The following MICAL1 variants were observed in gnomAD, a reference collection of about 807,000 sequenced individuals.
MICAL1 encodes the protein microtubule associated monooxygenase, calponin and LIM domain containing 1.
A neutral mutation model predicts 131.8 loss-of-function variants in MICAL1; 95 were observed. The observed-to-expected ratio is 0.72, with a 90% confidence interval of 0.61 to 0.86. The LOEUF is 0.86. Among genes scored for constraint, MICAL1 ranks in the 40% least tolerant of loss-of-function variants. The probability of loss-of-function intolerance (pLI) is 0.00; values close to 1 mark genes in which losing one functional copy is unlikely to be tolerated. For missense variants in MICAL1, 1,292 were observed against 1,380.6 expected (o/e 0.94, Z 1.02); for synonymous variants, 546 against 554.2 (o/e 0.99, Z 0.21).
chr6:109,444,468 T>C (rs1582633889), intron 24 of MICAL1, 129 bp from the exon 25 acceptor site: 2 of 1,342,230 alleles, frequency 1.5e-6, no homozygotes. Context: ...ATTAGGAGGG[T>C]TGCCAACACC....
chr6:109,453,215 G>T (rs1775611322), intron 4 of MICAL1, 48 bp downstream of exon 4: 1 of 1,498,124 alleles, frequency 6.7e-7, no homozygotes, highest in Non-Finnish European at 9.3e-7. Flanking sequence ...CACTGGCCAA[G>T]TTCTTGATGG....
chr6:109,446,279 C>T lies in MICAL1; in HGVS notation c.2438G>A (p.Arg813His), dbSNP rs775386197. The change falls in exon 19 of 25, where the codon CGC (arginine) becomes CAC (histidine). Residue 813 changes from arginine to histidine, a missense_variant. Transcript: ENST00000358807. ...RRQIRLSSPE[R>H]QRLSSLNLTP... ...AAGGTTAAGGGAGGACAACCGCTGG[C>T]GCTCCGGGCTGGAGAGGCGGATCTG... 55 of 1,613,324 alleles carry T rather than the reference C, an allele frequency of 3.4e-5. No homozygotes were observed. Among genetic ancestry groups the T allele is most frequent in the Non-Finnish European group, 4.2e-5 (50 of 1,179,820 alleles).
At position 109,453,735 on chromosome 6, in the gene MICAL1, G is replaced by A. The variant is rs144274960; in HGVS notation, c.369C>T (p.Asn123=). 8.7e-6 allele frequency: 14 copies of A among 1,613,720 alleles called. No homozygotes were observed. Among genetic ancestry groups the A allele is most frequent in the South Asian group, 2.2e-5 (2 of 91,090 alleles). Residue 123 remains asparagine (N), a synonymous_variant, in exon 3 of 25, where the codon AAC becomes AAT. Transcript: ENST00000358807. The part of the protein sequence containing the change: ...VEKRTKFSRH[N]VLHLWPFTIH... ...TGGTGAAGGGCCAGAGGTGGAGCAC[G>A]TTGTGGCGAGAGAACTTGGTGCGCT...
Position 109,461,320 on chromosome 6 carries a change from T to C in MICAL1, c.14+4344A>G, listed in dbSNP as rs372744668. Among the ~76,000 whole-genome samples, 25 of 152,300 alleles carry C rather than the reference T, an allele frequency of 1.6e-4. No individual in the cohort carries two copies. In the East Asian group the frequency reaches 3.1e-3, roughly 19 times the overall value. Reference sequence around the variant, plus strand: ...TTTTTTATGGCTGCATAGTATTCCATGGTGTATATGTGCCACATTTTCTTA... The same window carrying C: ...TTTTTTATGGCTGCATAGTATTCCACGGTGTATATGTGCCACATTTTCTTA... On this transcript the variant is annotated intron_variant, in intron 1 of 24. Transcript: ENST00000630715.
At chr6:109,456,736 G>A (rs546781143), upstream of MICAL1, among the ~76,000 whole-genome samples, 1 of 152,254 alleles carries the variant, frequency 6.6e-6, no homozygotes, top group African/African-American at 2.4e-5. Flanking sequence ...AAAAAACATC[G>A]TCTCATTTAT....
chr6:109,450,412 T>C lies in MICAL1; in HGVS notation c.1079A>G (p.Asp360Gly). ...GCTCGTGAAGTCAAAGGCAGAGACA[T>C]CAGGCTGCCCATGGGCATCCTGGGC... ...EFAQDAHGQP[D>G]VSAFDFTSMM... Residue 360 changes from aspartate (D) to glycine (G), a missense_variant, in exon 8 of 25, where the codon GAT (aspartate) becomes GGT (glycine). Physicochemically the swap from Asp to Gly is moderately conservative, Grantham distance 94. Coordinates refer to ENST00000358807, the MANE Select transcript of MICAL1 (RefSeq NM_022765.4). 6.2e-7 allele frequency: 1 copy of C among 1,613,498 alleles called. No homozygotes were observed. The highest frequency in any genetic ancestry group is 8.5e-7 in the Non-Finnish European group (1 of 1,179,966).
At chr6:109,446,850 G>A in intron 17 of MICAL1, 78 bp from the exon 18 acceptor site, 1 of 1,418,056 alleles carries the variant, frequency 7.1e-7, no homozygotes, top group Non-Finnish European at 9.8e-7. Flanking sequence ...TATGAAGGAA[G>A]GTGGGGAAAA....
chr6:109,447,159 C>T lies in MICAL1; in HGVS notation c.2141G>A (p.Gly714Asp). Residue 714 changes from glycine to aspartate, a missense_variant, in exon 17 of 25, where the codon GGC (glycine) becomes GAC (aspartate). Physicochemically the swap from Gly to Asp is moderately conservative, Grantham distance 94. Transcript: ENST00000358807. ...LYVLERLCVN[G>D]HFFHRSCFRC... ...GAAGCAGCTCCGGTGGAAGAAATGG[C>T]CGTTGACACAGAGGCGTTCCAGGAC... The T allele has an allele frequency of 1.9e-6, 3 of 1,614,202 alleles. No homozygotes were observed. Among genetic ancestry groups the T allele is most frequent in the Admixed American group, 1.7e-5 (1 of 60,026 alleles).
upstream of MICAL1, among the ~76,000 whole-genome samples, chr6:109,457,784 A>T (rs1775793222): frequency 6.6e-6 from 1 of 152,246 alleles, no homozygotes; most frequent in South Asian, 2.1e-4. Flanking sequence ...TCTTTAAAGA[A>T]GATCAGAGAA....
Position 109,445,255 on chromosome 6 carries a change from G to A in MICAL1, c.2823C>T (p.Ala941=). The change falls in exon 22 of 25, where the codon GCC becomes GCT. Residue 941 remains alanine, a synonymous_variant. Coordinates refer to ENST00000358807, the MANE Select transcript of MICAL1 (RefSeq NM_022765.4). ...IQRRLNEIEA[A]LRELEAEGVK... ...CGCCCTCGGCCTCTAGCTCCCTCAA[G>A]GCAGCCTCAATCTCATTTAGTCGCC... 1 of 1,614,128 alleles carries A rather than the reference G, an allele frequency of 6.2e-7. No individual in the cohort carries two copies. The highest frequency in any genetic ancestry group is 8.5e-7 in the Non-Finnish European group (1 of 1,180,042).
chr6:109,448,667 T>C, intron 12 of MICAL1, 65 bp downstream of exon 12: 1 of 1,592,912 alleles, frequency 6.3e-7, no homozygotes, highest in Admixed American at 1.7e-5. Flanking sequence ...TCTCTAGGAT[T>C]CAACTGGATA....
intron 4 of MICAL1, 142 bp from the exon 5 acceptor site, chr6:109,452,757 C>T: frequency 1.6e-6 from 1 of 631,122 alleles, no homozygotes; most frequent in Non-Finnish European, 2.7e-6. Context: ...TCAGATTACA[C>T]CTTCACAGCA....
upstream of MICAL1, among the ~76,000 whole-genome samples, chr6:109,458,236 C>A (rs1311998634): frequency 6.6e-6 from 1 of 152,118 alleles, no homozygotes; most frequent in Non-Finnish European, 1.5e-5. Context: ...AAAATACTGG[C>A]ACAATCACAT....
At chr6:109,460,527 C>CACACACACAT (rs1392567172), upstream of MICAL1, among the ~76,000 whole-genome samples, 2 of 149,558 alleles carry the variant, frequency 1.3e-5, no homozygotes, top group Non-Finnish European at 3.0e-5. Flanking sequence ...TATAAATACA[C>CACACACACAT]ACACACACAC....
chr6:109,445,477 C>T lies in MICAL1; in HGVS notation c.2726G>A (p.Trp909Ter). 1 of 1,614,104 alleles carries T rather than the reference C, an allele frequency of 6.2e-7. No individual in the cohort carries two copies. The highest frequency in any genetic ancestry group is 8.5e-7 in the Non-Finnish European group (1 of 1,180,048). Residue 909 changes from tryptophan (W) to a stop codon, truncating the protein, a stop_gained, in exon 21 of 25, where the codon TGG (tryptophan) becomes TAG (stop). Transcript: ENST00000358807. LOFTEE classifies it high-confidence loss of function. ...TSGTMNNYPT[W>*]RRTLLRRAKE... The stretch of plus-strand genomic sequence containing the variant: ...CGCACGGCGCAGCAGAGTCCGACGC[C>T]ATGTTGGGTAGTTATTCATGGTGCC...
Position 109,447,448 on chromosome 6 carries a change from G to C in MICAL1, c.1987-8C>G. The stretch of plus-strand genomic sequence containing the variant: ...TGGGGTCTCGGCCTCCATCTAAGGA[G>C]GTAAGTGCTCAGGCAGGGAGGGTAG... On this transcript the variant is annotated splice_region_variant and splice_polypyrimidine_tract_variant and intron_variant, in intron 15 of 24. Transcript: ENST00000358807. 2 of 1,610,136 alleles carry C rather than the reference G, an allele frequency of 1.2e-6. No homozygotes were observed. The highest frequency in any genetic ancestry group is 2.2e-5 in the South Asian group (2 of 90,552).
chr6:109,445,263 C>G lies in MICAL1; in HGVS notation c.2815G>C (p.Glu939Gln), dbSNP rs772927131. ...QTIQRRLNEIEAALRELEAEG... is the reference protein window; with the variant it reads ...QTIQRRLNEIQAALRELEAEG... ...GCCTCTAGCTCCCTCAAGGCAGCCT[C>G]AATCTCATTTAGTCGCCGTTGGATG... is the stretch of plus-strand genomic sequence containing the variant. The change falls in exon 22 of 25, where the codon GAG (glutamate) becomes CAG (glutamine). Residue 939 changes from glutamate (E) to glutamine (Q), a missense_variant. By Grantham distance (29) the Glu-to-Gln change is conservative (BLOSUM62 2). Transcript: ENST00000358807. 7 of 1,614,018 alleles carry G rather than the reference C, an allele frequency of 4.3e-6. No individual in the cohort carries two copies. The African/African-American group carries it at 6.7e-5, about 15-fold the overall frequency.
rs1218546147 is a variant in MICAL1, at chr6:109,455,104, C to G, written c.-44+615G>C. ...CTCCCAGGAATCTCCGGAGACAAAG[C>G]CTCGCTTTGTCGCCCCCTCCCACGC... is the stretch of plus-strand genomic sequence containing the variant. On this transcript the variant is annotated intron_variant, in intron 1 of 24. Transcript: ENST00000358807. This position sits in a 1 kb window ranked among gnomAD's most constrained non-coding sequence, Gnocchi z 4.7. 2.0e-5 allele frequency among the ~76,000 whole-genome samples: 3 copies of G among 151,978 alleles called. No homozygotes were observed. Among genetic ancestry groups the G allele is most frequent in the Non-Finnish European group, 4.4e-5 (3 of 67,956 alleles).
chr6:109,453,478 G>T, intron 3 of MICAL1, 111 bp from the exon 4 acceptor site: 1 of 1,497,898 alleles, frequency 6.7e-7, no homozygotes, highest in Non-Finnish European at 9.0e-7. Context: ...CAATCACTCA[G>T]CCCAAAAGCC....
Sources: gnomAD v4.1 joint callset for allele counts (sites outside exome capture counted in the v4.1 genomes callset) on GRCh38, gnomAD v4.1.1 for gene constraint, Gnocchi (gnomAD v3.1) non-coding constraint, MANE v1.5 for transcripts, NCBI Gene and HGNC (gene_info 2026-07-23, HGNC 2026-07-21) for gene names.